Variants in TOP2A observed in about 807,000 individuals in gnomAD.
TOP2A encodes DNA topoisomerase 2-alpha.
In TOP2A, 68 loss-of-function variants were observed where a neutral mutation model predicts 187.2. The observed-to-expected ratio is 0.36, with a 90% confidence interval of 0.30 to 0.44. The LOEUF is 0.44. TOP2A is among the 20% of genes least tolerant of loss of function. The pLI, the probability that TOP2A is intolerant of heterozygous loss-of-function variation, is 1.00. For missense variants in TOP2A, 1,196 were observed against 1,808.7 expected, an observed-to-expected ratio of 0.66 and a Z score of 6.14; for synonymous variants, 542 against 593.2, an observed-to-expected ratio of 0.91 and a Z score of 1.25.
intron 19 of TOP2A, 118 bp from the exon 20 acceptor site, chr17:40,403,172 C>G: frequency 1.0e-6 from 1 of 972,212 alleles, no homozygotes; most frequent in East Asian, 2.7e-5. Context: ...TGACTTTCCT[C>G]AGATTAATAG....
intron 11 of TOP2A, 85 bp from the exon 12 acceptor site, chr17:40,408,209 T>A: frequency 9.0e-7 from 1 of 1,111,356 alleles, no homozygotes; most frequent in Non-Finnish European, 1.3e-6. Context: ...TATAGCCTTG[T>A]GATAAAACAC....
chr17:40,392,767 T>G, intron 29 of TOP2A, 30 bp from the exon 30 acceptor site: 1 of 1,567,012 alleles, frequency 6.4e-7, no homozygotes, highest in Non-Finnish European at 8.6e-7. Context: ...TAATCACCTT[T>G]ATATATTAGA....
chr17:40,399,399 G>A, intron 24 of TOP2A: 1 of 417,272 alleles, frequency 2.4e-6, no homozygotes, highest in Non-Finnish European at 4.3e-6. Flanking sequence ...GGAGTGCAGT[G>A]GCACTACCTA....
At position 40,396,338 on chromosome 17, in the gene TOP2A, C is replaced by G. The variant is rs190217688; in HGVS notation, c.3665G>C (p.Arg1222Pro). 11 of 1,613,404 alleles carry G rather than the reference C, an allele frequency of 6.8e-6. No individual in the cohort carries two copies. The Admixed American group carries it at 1.3e-4, about 20-fold the overall frequency. Reference sequence around the variant, plus strand: ...CTCTGCTTTCATTTCTATGGTTATTCGTGGAATGACTCTTTGACCACGCGG... The same window carrying G: ...CTCTGCTTTCATTTCTATGGTTATTGGTGGAATGACTCTTTGACCACGCGG... ...PSPRGQRVIPRITIEMKAEAE... is the reference protein window; with the variant it reads ...PSPRGQRVIPPITIEMKAEAE... The change falls in exon 28 of 35, where the codon CGA becomes CCA. Residue 1222 changes from arginine to proline, a missense_variant. Transcript: ENST00000423485.
At chr17:40,399,590 T>C (rs959871704) in intron 24 of TOP2A, among the ~76,000 whole-genome samples, 7 of 152,170 alleles carry the variant, frequency 4.6e-5, no homozygotes, top group African/African-American at 1.7e-4. Flanking sequence ...AGTGTATCTA[T>C]TCTCTTGGTC....
At chr17:40,395,342 G>A (rs2035080404) in intron 29 of TOP2A, 107 bp downstream of exon 29, 4 of 450,584 alleles carry the variant, frequency 8.9e-6, no homozygotes, top group South Asian at 5.8e-5. Context: ...CCTCTTTCAC[G>A]TTTCTCAATT....
intron 27 of TOP2A, among the ~76,000 whole-genome samples, chr17:40,396,889 GT>G (rs1046671324): frequency 8.3e-5 from 12 of 145,128 alleles, no homozygotes; most frequent in Admixed American, 5.5e-4. Context: ...GCTTTTGGTG[GT>G]TTTTTTTTTG....
intron 16 of TOP2A, among the ~76,000 whole-genome samples, chr17:40,405,859 C>T (rs756063449): frequency 1.7e-4 from 26 of 151,702 alleles, no homozygotes; most frequent in Non-Finnish European, 2.9e-4. Context: ...CTCTGCCTCT[C>T]GGGTTCAAGC....
At chr17:40,417,699 CCGTCACG>C in intron 1 of TOP2A, 65 bp downstream of exon 1, 1 of 1,605,420 alleles carries the variant, frequency 6.2e-7, no homozygotes. Flanking sequence ...AGAGCTTCAC[CCGTCACG>C]GGCGGCCAGA....
intron 13 of TOP2A, 91 bp from the exon 14 acceptor site, chr17:40,407,033 GCAGGCGGATCGCCTGAGGT>G: frequency 9.7e-7 from 1 of 1,028,440 alleles, no homozygotes; most frequent in South Asian, 1.4e-5. Context: ...GGAGGCCGAG[GCAGGCGGATCGCCTGAGGT>G]CAGGCGTTCG....
At position 40,402,900 on chromosome 17, in the gene TOP2A, A is replaced by G; in HGVS notation, c.2432+6T>C. 2 of 1,593,582 alleles carry G rather than the reference A, an allele frequency of 1.3e-6. No individual in the cohort carries two copies. The highest frequency in any genetic ancestry group is 2.2e-5 in the East Asian group (1 of 44,466). ...GCAAGTCACTAGAAAGTGAAAGCAT[A>G]CCTACCTGAGCATTGTAAAGATGTA... is the stretch of plus-strand genomic sequence containing the variant. On this transcript the variant is annotated splice_donor_region_variant and intron_variant, in intron 20 of 34. Transcript: ENST00000423485.
In TOP2A at chr17:40,412,869, T is replaced by G; in HGVS notation, c.679A>C (p.Lys227Gln). 1 of 1,613,970 alleles carries G rather than the reference T, an allele frequency of 6.2e-7. No individual in the cohort carries two copies. Among genetic ancestry groups the G allele is most frequent in the Non-Finnish European group, 8.5e-7 (1 of 1,179,848 alleles). The change falls in exon 7 of 35, where the codon AAA (lysine) becomes CAA (glutamine). Residue 227 changes from lysine to glutamine, a missense_variant. Coordinates refer to ENST00000423485, the MANE Select transcript of TOP2A (RefSeq NM_001067.4). The part of the protein sequence containing the change: ...ITFQPDLSKF[K>Q]MQSLDKDIVA... ...ATATCTTTGTCCAGGCTTTGCATTT[T>G]AAACTTAGACAAATCAGGCTGAAAG...
intron 13 of TOP2A, 147 bp from the exon 14 acceptor site, chr17:40,407,089 C>A: frequency 3.5e-6 from 2 of 569,776 alleles, no homozygotes; most frequent in Non-Finnish European, 6.2e-6. Context: ...CATGGTGAAA[C>A]CCTGTCTCCA....
chr17:40,392,288 C>T lies in TOP2A; in HGVS notation c.4018G>A (p.Asp1340Asn), dbSNP rs1385793528. 1 of 1,608,396 alleles carries T rather than the reference C, an allele frequency of 6.2e-7. No homozygotes were observed. The highest frequency in any genetic ancestry group is 8.5e-7 in the Non-Finnish European group (1 of 1,176,968). ...AAATCTTCATCATCAGTTTTTTCATCAAAATCTGAGAAATCTTCATCTGAA... is the reference window on the plus strand; with the variant it reads ...AAATCTTCATCATCAGTTTTTTCATTAAAATCTGAGAAATCTTCATCTGAA... ...LDSDEDFSDF[D>N]EKTDDEDFVP... The change falls in exon 31 of 35, where the codon GAT (aspartate) becomes AAT (asparagine). Residue 1340 changes from aspartate (D) to asparagine (N), a missense_variant. Around this residue, in one of 10 missense-constraint regions of TOP2A, gnomAD observed 374 missense variants for 403.3 expected, o/e 0.93. Transcript: ENST00000423485.
intron 18 of TOP2A, 43 bp from the exon 19 acceptor site, chr17:40,404,316 A>G (rs1353765711): frequency 6.2e-7 from 1 of 1,609,148 alleles, no homozygotes; most frequent in African/African-American, 1.3e-5. Context: ...CCTCAATTTA[A>G]CCAATTTTGG....
chr17:40,405,783 T>G (rs924024992), intron 16 of TOP2A, among the ~76,000 whole-genome samples: 4 of 150,820 alleles, frequency 2.7e-5, no homozygotes, highest in Admixed American at 2.0e-4. Context: ...TCCTTTTTTT[T>G]TGAGATGGAG....
In TOP2A at chr17:40,417,818, A is replaced by G. The variant is rs2035412307; in HGVS notation, c.-27T>C. The stretch of plus-strand genomic sequence containing the variant: ...GTGACGGTCGTGAAGGGGCTCAAGA[A>G]CCCTGAAAGCGACTAAACAGGCAGG... On this transcript the variant is annotated 5_prime_UTR_variant, in exon 1 of 35. Transcript: ENST00000423485. 1 of 1,613,194 alleles carries G rather than the reference A, an allele frequency of 6.2e-7. No homozygotes were observed. The highest frequency in any genetic ancestry group is 2.2e-5 in the East Asian group (1 of 44,852).
chr17:40,408,639 G>A lies in TOP2A; in HGVS notation c.1204-9C>T, dbSNP rs777905960. On this transcript the variant is annotated splice_polypyrimidine_tract_variant and intron_variant, in intron 10 of 34. Coordinates refer to ENST00000423485, the MANE Select transcript of TOP2A (RefSeq NM_001067.4). ...ATACCACAGCCAATGGCCTGAAAAC[G>A]AGAAGATTCATATTAGGGATCATAT... 15 of 1,613,234 alleles carry A rather than the reference G, an allele frequency of 9.3e-6. No homozygotes were observed. In the South Asian group the frequency reaches 1.2e-4, roughly 13 times the overall value.
At chr17:40,402,594 T>C (rs1384038423) in intron 20 of TOP2A, among the ~76,000 whole-genome samples, 1 of 152,162 alleles carries the variant, frequency 6.6e-6, no homozygotes, top group Non-Finnish European at 1.5e-5. Flanking sequence ...CAGCTGAAAA[T>C]TGACCATTCA....
Sources: gnomAD v4.1 joint callset for allele counts (sites outside exome capture counted in the v4.1 genomes callset) on GRCh38, gnomAD v4.1.1 for gene constraint, gnomAD v4.1.1 regional missense constraint, MANE v1.5 for transcripts, NCBI Gene and HGNC (gene_info 2026-07-23, HGNC 2026-07-21) for gene names.